The following TAMM41 variants were observed in gnomAD, a reference collection of about 807,000 sequenced individuals.
The protein encoded by TAMM41 is TAM41 mitochondrial translocator assembly and maintenance homolog.
Under a neutral mutation model 44.1 loss-of-function variants are expected in TAMM41, and 36 were observed. That is an observed-to-expected ratio of 0.82 (90% CI 0.63 to 1.08). The LOEUF is 1.08. Among genes scored for constraint, TAMM41 ranks in the 50% least tolerant of loss-of-function variants. The pLI is 0.00. For synonymous variants in TAMM41, 164 were observed against 153.1 expected (o/e 1.07, Z -0.53); for missense variants, 417 against 404.3 (o/e 1.03, Z -0.27).
chr3:11,802,075 C>T (rs1411754710), intron 7 of TAMM41, among the ~76,000 whole-genome samples: 1 of 152,064 alleles, frequency 6.6e-6, no homozygotes, highest in African/African-American at 2.4e-5. Flanking sequence ...AAAAGTTAGC[C>T]AGGCATGGTA....
intron 7 of TAMM41, among the ~76,000 whole-genome samples, chr3:11,790,996 T>G (rs1373854289): frequency 3.3e-5 from 5 of 152,250 alleles, no homozygotes; most frequent in African/African-American, 1.2e-4. Context: ...CCTGTCTGAC[T>G]ATGACAAATG....
chr3:11,840,259 G>T (rs1452654394), intron 2 of TAMM41, among the ~76,000 whole-genome samples: 1 of 149,386 alleles, frequency 6.7e-6, no homozygotes, highest in African/African-American at 2.5e-5. Context: ...TTAAGATGGA[G>T]TCTCACTCTG....
At chr3:11,799,032 T>C (rs775853428) in intron 7 of TAMM41, among the ~76,000 whole-genome samples, 156 of 151,926 alleles carry the variant, frequency 1.0e-3, no homozygotes, top group Non-Finnish European at 1.6e-3. Flanking sequence ...CTGGGCAACA[T>C]AGTGGGACTC....
At chr3:11,726,512 G>A in the TAMM41 span, among the ~76,000 whole-genome samples, 14 of 152,282 alleles carry the variant, frequency 9.2e-5, no homozygotes, top group East Asian at 2.5e-3. Context: ...ATAAAAATGA[G>A]TGAACCTGGC....
chr3:11,827,303 T>C (rs2078791644), intron 4 of TAMM41, among the ~76,000 whole-genome samples: 1 of 120,250 alleles, frequency 8.3e-6, no homozygotes, highest in Non-Finnish European at 1.6e-5. Context: ...TTCTTTCTTT[T>C]CTTTTCTTTT....
At chr3:11,774,425 C>CCCT in the TAMM41 span, among the ~76,000 whole-genome samples, 63 of 152,274 alleles carry the variant, frequency 4.1e-4, no homozygotes, top group South Asian at 0.012. Flanking sequence ...TGACTGAGTG[C>CCCT]CAGAGGGACT....
the TAMM41 span, among the ~76,000 whole-genome samples, chr3:11,731,679 G>A: frequency 1.3e-5 from 2 of 152,110 alleles, no homozygotes; most frequent in Non-Finnish European, 2.9e-5. Context: ...CAGGGTGGGA[G>A]AGAGGCTTTC....
chr3:11,761,946 CAAAAAAA>C, the TAMM41 span, among the ~76,000 whole-genome samples: 3 of 75,040 alleles, frequency 4.0e-5, no homozygotes, highest in Non-Finnish European at 8.3e-5. Context: ...GACTCTGTCT[CAAAAAAA>C]AAAAAAAAAA....
intron 3 of TAMM41, among the ~76,000 whole-genome samples, chr3:11,830,208 T>C (rs914623666): frequency 2.0e-5 from 3 of 152,258 alleles, no homozygotes; most frequent in Admixed American, 2.0e-4. Context: ...CTTAATTTTT[T>C]AGTCGACAGA....
chr3:11,815,247 C>T (rs9847469), intron 5 of TAMM41, among the ~76,000 whole-genome samples: 2,719 of 152,034 alleles, frequency 0.018, 74 homozygotes, highest in African/African-American at 0.055. Context: ...AAAACTAGCA[C>T]GGGGGAGGCA....
chr3:11,840,487 G>A (rs991264127), intron 2 of TAMM41, among the ~76,000 whole-genome samples: 20 of 151,926 alleles, frequency 1.3e-4, no homozygotes, highest in African/African-American at 3.6e-4. Context: ...CACTCGCCTC[G>A]GCCTCCAAAA....
the TAMM41 span, among the ~76,000 whole-genome samples, chr3:11,782,621 G>A: frequency 2.6e-5 from 4 of 151,990 alleles, no homozygotes; most frequent in African/African-American, 4.8e-5. Flanking sequence ...AAGTGAGGCT[G>A]TTTACATATT....
the TAMM41 span, among the ~76,000 whole-genome samples, chr3:11,782,552 AAAAAAAAAAG>A: frequency 6.6e-6 from 1 of 152,048 alleles, no homozygotes; most frequent in South Asian, 2.1e-4. Context: ...GTCTCAAAAA[AAAAAAAAAAG>A]AAAAAAAAAG....
the TAMM41 span, among the ~76,000 whole-genome samples, chr3:11,742,526 CT>C: frequency 6.7e-6 from 1 of 149,896 alleles, no homozygotes; most frequent in Admixed American, 6.6e-5. Flanking sequence ...TTGCTGGCTG[CT>C]GCAAATCAAG....
the TAMM41 span, among the ~76,000 whole-genome samples, chr3:11,783,871 G>A: frequency 6.6e-6 from 1 of 152,190 alleles, no homozygotes; most frequent in Non-Finnish European, 1.5e-5. Flanking sequence ...TAACCTCTTT[G>A]AGCCTGTTTC....
rs572425487 is a variant in TAMM41, at chr3:11,807,845, T to C, written c.925A>G (p.Ile309Val). 7.0e-5 allele frequency: 107 copies of C among 1,536,148 alleles called. No homozygotes were observed. The South Asian group carries it at 9.8e-4, about 14-fold the overall frequency. ...CCAAAGCTCTTACCAGCAGTAAAAATGCCTTTCGTGCTCTGTCTTATACTA... is the reference window on the plus strand; with the variant it reads ...CCAAAGCTCTTACCAGCAGTAAAAACGCCTTTCGTGCTCTGTCTTATACTA... The part of the protein sequence containing the change: ...PSSIRQSTKG[I>V]FTAGLKKSVI... Residue 309 changes from isoleucine (I) to valine (V), a missense_variant, in exon 7 of 8, where the codon ATT becomes GTT. By Grantham distance (29) the Ile-to-Val change is conservative. Transcript: ENST00000455809.
At chr3:11,741,870 T>C in the TAMM41 span, among the ~76,000 whole-genome samples, 5 of 150,036 alleles carry the variant, frequency 3.3e-5, no homozygotes, top group Non-Finnish European at 5.9e-5. Flanking sequence ...TGACAGTCAA[T>C]TGGATAACCC....
the TAMM41 span, among the ~76,000 whole-genome samples, chr3:11,756,221 A>C: frequency 6.6e-6 from 1 of 152,230 alleles, no homozygotes; most frequent in African/African-American, 2.4e-5. Context: ...TTCTAGAGTC[A>C]CTGAACAGCT....
rs745654526 is a variant in TAMM41 at position 11,829,933 on chromosome 3, T to C, written c.412-69A>G. 2.5e-5 allele frequency: 37 copies of C among 1,471,032 alleles called. No homozygotes were observed. In the South Asian group the frequency reaches 4.3e-4, roughly 17 times the overall value. 91.1% of individuals were successfully genotyped at this position (1,471,032 alleles called of 1,614,324 possible). A position where few individuals can be genotyped will look rare whatever the true frequency, so the allele number is the denominator to read the frequency against. On this transcript the variant is annotated intron_variant, in intron 3 of 7. Transcript: ENST00000455809. Reference sequence around the variant, plus strand: ...GTATTGCTCAAGCATGGGTTACAAATGCACTGGAACTATCTCAAACTCTCT... The same window carrying C: ...GTATTGCTCAAGCATGGGTTACAAACGCACTGGAACTATCTCAAACTCTCT...
Sources: gnomAD v4.1 joint callset for allele counts (sites outside exome capture counted in the v4.1 genomes callset) on GRCh38, gnomAD v4.1.1 for gene constraint, MANE v1.5 for transcripts, NCBI Gene and HGNC (gene_info 2026-07-23, HGNC 2026-07-21) for gene names.